The following HEG1 variants were observed in gnomAD, a reference collection of about 807,000 sequenced individuals.
HEG1 encodes the protein protein HEG homolog 1.
Under a neutral mutation model 125.6 loss-of-function variants are expected in HEG1, and 56 were observed. The ratio of observed to expected loss-of-function variants is 0.45; its 90% CI spans 0.36 to 0.56. HEG1 has a LOEUF of 0.56. Ranked by LOEUF, HEG1 falls within the 20% of genes least tolerant of loss-of-function variation. The pLI is 0.00. For synonymous variants in HEG1, 644 were observed against 668.5 expected (o/e 0.96, Z 0.57); for missense variants, 1,523 against 1,670.0 (o/e 0.91, Z 1.53).
chr3:125,034,294 T>C (rs1460082369), intron 1 of HEG1, among the ~76,000 whole-genome samples: 1 of 108,172 alleles, frequency 9.2e-6, no homozygotes, highest in Non-Finnish European at 2.1e-5. Context: ...GCCAACAAAT[T>C]AGAGAAGCAA....
chr3:125,019,347 T>C lies in HEG1; in HGVS notation c.1503A>G (p.Ala501=). Residue 501 remains alanine (A), a synonymous_variant, in exon 5 of 17, where the codon GCA becomes GCG. Transcript: ENST00000311127. ...STVQSGGSHT[A]LGDRSYSESS... is the part of the protein sequence containing the mutation. ...ACTCTGAATAACTCCTATCTCCCAA[T>C]GCTGTGTGACTTCCTCCAGACTGTA... is the stretch of plus-strand genomic sequence containing the variant. The C allele has an allele frequency of 6.2e-7, 1 of 1,614,046 alleles. No individual in the cohort carries two copies. The highest frequency in any genetic ancestry group is 8.5e-7 in the Non-Finnish European group (1 of 1,179,884).
chr3:125,017,661 C>T (rs74893440), intron 5 of HEG1, among the ~76,000 whole-genome samples: 2,743 of 152,152 alleles, frequency 0.018, 81 homozygotes, highest in African/African-American at 0.063. Flanking sequence ...GAAAAGAGTT[C>T]GGCAGTTCCT....
intron 14 of HEG1, among the ~76,000 whole-genome samples, chr3:124,985,335 A>C (rs1304156425): frequency 6.6e-6 from 1 of 152,182 alleles, no homozygotes; most frequent in Non-Finnish European, 1.5e-5. Flanking sequence ...TTTATTTTCT[A>C]ATTAATTTGG....
chr3:125,022,396 C>CGAGAGAGAGAGAGAGAGAGAGA (rs10565452), intron 3 of HEG1, among the ~76,000 whole-genome samples: 4 of 142,632 alleles, frequency 2.8e-5, no homozygotes, highest in Non-Finnish European at 4.6e-5. Flanking sequence ...ATCACTACAG[C>CGAGAGAGAGAGAGAGAGAGAGA]GAGAGAGAGA....
intron 14 of HEG1, among the ~76,000 whole-genome samples, chr3:124,981,157 A>T (rs1241420382): frequency 1.3e-5 from 2 of 151,922 alleles, no homozygotes; most frequent in African/African-American, 4.8e-5. Flanking sequence ...CTTTTTAAAT[A>T]AAGAAAATAA....
intron 5 of HEG1, chr3:125,014,758 T>A: frequency 2.3e-6 from 3 of 1,288,342 alleles, no homozygotes; most frequent in South Asian, 2.5e-5. Flanking sequence ...ACCAGGCCCA[T>A]GTCGTCCGTC....
chr3:125,037,693 C>T (rs1359772195), intron 1 of HEG1, among the ~76,000 whole-genome samples: 1 of 152,236 alleles, frequency 6.6e-6, no homozygotes, highest in Non-Finnish European at 1.5e-5. Context: ...TCCACTTCTC[C>T]TTAGTCAGTG....
Position 125,013,400 on chromosome 3 carries a change from T to C in HEG1, c.2179A>G (p.Thr727Ala). 1 of 1,613,912 alleles carries C rather than the reference T, an allele frequency of 6.2e-7. No homozygotes were observed. The highest frequency in any genetic ancestry group is 8.5e-7 in the Non-Finnish European group (1 of 1,179,878). Residue 727 changes from threonine to alanine, a missense_variant, in exon 6 of 17, where the codon ACA becomes GCA. Coordinates refer to ENST00000311127, the MANE Select transcript of HEG1 (RefSeq NM_020733.2). ...TGTGAGACAGAAAGTGGGGCAGATGTAGATGTCGTTAAGGATACTGGTAAA... is the reference window on the plus strand; with the variant it reads ...TGTGAGACAGAAAGTGGGGCAGATGCAGATGTCGTTAAGGATACTGGTAAA... The part of the protein sequence containing the change: ...SPLPVSLTTS[T>A]SAPLSVSQTT...
rs181939948 is a variant in HEG1, at chr3:125,023,079, A to G, written c.914-1949T>C. ...TGTGGTGGTGGGTGCCTGTAATCTC[A>G]GCTACTCGGGAGGTTGAGGCAGGAG... On this transcript the variant is annotated intron_variant, in intron 3 of 16. Coordinates refer to ENST00000311127, the MANE Select transcript of HEG1 (RefSeq NM_020733.2). Among the ~76,000 whole-genome samples the G allele has an allele frequency of 2.2e-4, 33 of 152,310 alleles. No homozygotes were observed. The East Asian group carries it at 6.4e-3, about 29-fold the overall frequency.
At chr3:125,033,855 A>G (rs987758742) in intron 1 of HEG1, among the ~76,000 whole-genome samples, 1 of 152,186 alleles carries the variant, frequency 6.6e-6, no homozygotes, top group African/African-American at 2.4e-5. Flanking sequence ...GAGCAAGAAC[A>G]TTATTGTGAA....
intron 14 of HEG1, among the ~76,000 whole-genome samples, chr3:124,983,835 C>A (rs1936693791): frequency 6.6e-6 from 1 of 152,150 alleles, no homozygotes; most frequent in Admixed American, 6.6e-5. Flanking sequence ...CTATCCCTTC[C>A]ACCTCACCAA....
At chr3:125,036,606 A>G (rs1937550432) in intron 1 of HEG1, among the ~76,000 whole-genome samples, 1 of 152,258 alleles carries the variant, frequency 6.6e-6, no homozygotes, top group East Asian at 1.9e-4. Flanking sequence ...TCCTTAACAC[A>G]TAAAGAACTT....
chr3:125,013,475 G>C lies in HEG1; in HGVS notation c.2104C>G (p.Leu702Val). ...LPSTRASVHL[L>V]KSTSDASTPW... Reference sequence around the variant, plus strand: ...GTGGATGCATCAGAGGTAGACTTTAGTAGATGCACAGAGGCCCTGGTTGAT... The same window carrying C: ...GTGGATGCATCAGAGGTAGACTTTACTAGATGCACAGAGGCCCTGGTTGAT... Residue 702 changes from leucine (L) to valine (V), a missense_variant, in exon 6 of 17, where the codon CTA becomes GTA. By Grantham distance (32) the Leu-to-Val change is conservative. Transcript: ENST00000311127. 1 of 1,613,940 alleles carries C rather than the reference G, an allele frequency of 6.2e-7. No homozygotes were observed. The highest frequency in any genetic ancestry group is 8.5e-7 in the Non-Finnish European group (1 of 1,179,872).
chr3:124,989,612 T>C (rs1936795545), intron 14 of HEG1, among the ~76,000 whole-genome samples: 1 of 152,174 alleles, frequency 6.6e-6, no homozygotes, highest in Admixed American at 6.5e-5. Context: ...AAGAACTGGA[T>C]TAGGTGCAAA....
chr3:125,048,282 C>A (rs1560036959), intron 1 of HEG1, among the ~76,000 whole-genome samples: 1 of 152,244 alleles, frequency 6.6e-6, no homozygotes, highest in Admixed American at 6.5e-5. Flanking sequence ...AGAGACCTTG[C>A]AACCAGAGCC....
At chr3:125,004,965 C>G (rs955677972) in intron 9 of HEG1, among the ~76,000 whole-genome samples, 3 of 152,194 alleles carry the variant, frequency 2.0e-5, no homozygotes, top group African/African-American at 7.2e-5. Context: ...TCACCAACAG[C>G]TCCTGCTGAT....
chr3:124,970,509 C>T lies in HEG1; in HGVS notation c.*143G>A. 2 of 663,236 alleles carry T rather than the reference C, an allele frequency of 3.0e-6. No homozygotes were observed. The highest frequency in any genetic ancestry group is 5.1e-6 in the Non-Finnish European group (2 of 390,964). The allele number at this position is 663,236 out of a possible 1,614,324, so 41.1% of individuals were successfully genotyped here. ...ATCCACCTGTCTCCTCCACTGTGGT[C>T]ACGCCCCGCATGCCTGTCCCTCTTC... is the stretch of plus-strand genomic sequence containing the variant. On this transcript the variant is annotated 3_prime_UTR_variant, in exon 17 of 17. Transcript: ENST00000311127.
At chr3:125,007,025 C>A (rs1254573331) in intron 8 of HEG1, among the ~76,000 whole-genome samples, 3 of 151,526 alleles carry the variant, frequency 2.0e-5, no homozygotes, top group Admixed American at 6.6e-5. Context: ...CGGTGAAACC[C>A]CGTCTCTACT....
At chr3:124,997,609 A>G (rs568450072) in intron 12 of HEG1, 80 bp downstream of exon 12, 1 of 1,386,148 alleles carries the variant, frequency 7.2e-7, no homozygotes, top group Non-Finnish European at 9.6e-7. Context: ...GCAAAGACAG[A>G]GAGAGAGCAA....
Sources: allele counts gnomAD v4.1 joint callset (sites outside exome capture counted in the v4.1 genomes callset), GRCh38; gene constraint gnomAD v4.1.1; transcripts MANE v1.5; gene names NCBI Gene and HGNC (gene_info 2026-07-23, HGNC 2026-07-21).